LHFPL6: variants seen among roughly 807,000 people sequenced by gnomAD.
LHFPL6 encodes the protein LHFPL tetraspan subfamily member 6, also known as LHFPL tetraspan subfamily member 6 protein.
Under a neutral mutation model 20.6 loss-of-function variants are expected in LHFPL6, and 9 were observed. That is an observed-to-expected ratio of 0.44 (90% confidence interval 0.26 to 0.76). The LOEUF is 0.76. Among genes scored for constraint, LHFPL6 ranks in the 30% least tolerant of loss-of-function variants. The pLI, the probability that LHFPL6 is intolerant of heterozygous loss-of-function variation, is 0.20. For missense variants in LHFPL6, 218 were observed against 253.5 expected (o/e 0.86, Z 0.95); for synonymous variants, 105 against 98.7 (o/e 1.06, Z -0.38).
chr13:39,586,933 G>C (rs1872466187), intron 2 of LHFPL6, among the ~76,000 whole-genome samples: 1 of 152,128 alleles, frequency 6.6e-6, no homozygotes, highest in African/African-American at 2.4e-5. Context: ...GAGGTGGGTA[G>C]ATCGCCTGAG....
intron 2 of LHFPL6, among the ~76,000 whole-genome samples, chr13:39,399,189 G>A (rs1298254499): frequency 6.6e-6 from 1 of 152,178 alleles, no homozygotes; most frequent in Admixed American, 6.5e-5. Context: ...AGAGCATAGG[G>A]TCAATCTGGT....
In LHFPL6 at chr13:39,458,422, C is replaced by T. The variant is rs181221059; in HGVS notation, c.386-79896G>A. Among the ~76,000 whole-genome samples, 19 of 152,182 alleles carry T rather than the reference C, an allele frequency of 1.2e-4. No individual in the cohort carries two copies. In the East Asian group the frequency reaches 1.5e-3, roughly 12 times the overall value. Reference sequence around the variant, plus strand: ...GGTCAATGAAAGCAAGCAAGCCAGGCGCGGTGGCTCATGCCTGTAATCCCA... The same window carrying T: ...GGTCAATGAAAGCAAGCAAGCCAGGTGCGGTGGCTCATGCCTGTAATCCCA... On this transcript the variant is annotated intron_variant, in intron 2 of 3. Transcript: ENST00000379589.
intron 2 of LHFPL6, among the ~76,000 whole-genome samples, chr13:39,413,354 A>C (rs890695159): frequency 1.3e-5 from 2 of 152,070 alleles, no homozygotes; most frequent in African/African-American, 4.8e-5. Context: ...AAAATATCCT[A>C]ATCTTTAAAG....
intron 2 of LHFPL6, among the ~76,000 whole-genome samples, chr13:39,412,915 C>G (rs1871265407): frequency 8.4e-6 from 1 of 118,392 alleles, no homozygotes; most frequent in African/African-American, 3.3e-5. Context: ...GAGCAATACT[C>G]CCGTCTCAAA....
intron 2 of LHFPL6, among the ~76,000 whole-genome samples, chr13:39,423,298 T>C (rs1871545369): frequency 6.6e-6 from 1 of 152,224 alleles, no homozygotes; most frequent in African/African-American, 2.4e-5. Flanking sequence ...TTCAGGAGTA[T>C]TTGAAGCATA....
At chr13:39,394,340 A>T (rs1193281634) in intron 2 of LHFPL6, among the ~76,000 whole-genome samples, 1 of 152,186 alleles carries the variant, frequency 6.6e-6, no homozygotes, top group Non-Finnish European at 1.5e-5. Flanking sequence ...CTATTTATGC[A>T]TAGTCACATT....
At chr13:39,491,491 G>A (rs1226219811) in intron 2 of LHFPL6, among the ~76,000 whole-genome samples, 2 of 152,186 alleles carry the variant, frequency 1.3e-5, no homozygotes, top group African/African-American at 4.8e-5. Flanking sequence ...TGGAAGCCAA[G>A]AGATAAACCA....
chr13:39,490,306 A>G (rs1436607838), intron 2 of LHFPL6, among the ~76,000 whole-genome samples: 1 of 152,210 alleles, frequency 6.6e-6, no homozygotes, highest in Non-Finnish European at 1.5e-5. Flanking sequence ...GCCACAATAC[A>G]AGCGCAAACC....
intron 2 of LHFPL6, among the ~76,000 whole-genome samples, chr13:39,480,816 G>C (rs914058801): frequency 1.3e-5 from 2 of 152,076 alleles, no homozygotes; most frequent in African/African-American, 4.8e-5. Flanking sequence ...ACAAATCTTT[G>C]ATCTATAGAA....
At position 39,343,236 on chromosome 13, in the gene LHFPL6, G is replaced by C; in HGVS notation, c.*700C>G. 1 of 214,120 alleles carries C rather than the reference G, an allele frequency of 4.7e-6. No individual in the cohort carries two copies. The highest frequency in any genetic ancestry group is 9.5e-6 in the Non-Finnish European group (1 of 105,734). 13.3% of individuals were successfully genotyped at this position (214,120 alleles called of 1,614,324 possible). A position where few individuals can be genotyped will look rare whatever the true frequency, so the allele number is the denominator to read the frequency against. ...GAAAATATGTTGAGGAACTAAATTA[G>C]AGTTTATGCAGGATATACAAAATAC... is the stretch of plus-strand genomic sequence containing the variant. On this transcript the variant is annotated 3_prime_UTR_variant, in exon 4 of 4. Coordinates refer to ENST00000379589, the MANE Select transcript of LHFPL6 (RefSeq NM_005780.3).
chr13:39,500,610 T>A (rs1370822532), intron 2 of LHFPL6, among the ~76,000 whole-genome samples: 1 of 152,146 alleles, frequency 6.6e-6, no homozygotes, highest in Non-Finnish European at 1.5e-5. Flanking sequence ...CCTGTATTCC[T>A]TATTATGCAC....
intron 2 of LHFPL6, among the ~76,000 whole-genome samples, chr13:39,461,546 G>A (rs749493856): frequency 2.6e-5 from 4 of 152,056 alleles, no homozygotes; most frequent in Admixed American, 1.3e-4. Context: ...CAGACAAACC[G>A]GAGAACTTTA....
At chr13:39,514,084 G>A (rs975785211) in intron 2 of LHFPL6, among the ~76,000 whole-genome samples, 2 of 152,060 alleles carry the variant, frequency 1.3e-5, no homozygotes, top group Admixed American at 6.5e-5. Context: ...TGAGGATCAC[G>A]AGACCCATGT....
At chr13:39,486,673 C>T (rs1868736873) in intron 2 of LHFPL6, among the ~76,000 whole-genome samples, 2 of 152,142 alleles carry the variant, frequency 1.3e-5, no homozygotes, top group Admixed American at 1.3e-4. Flanking sequence ...CCTGTCATTA[C>T]AAAGGGAAGT....
chr13:39,487,231 C>T (rs1460107496), intron 2 of LHFPL6, among the ~76,000 whole-genome samples: 2 of 152,146 alleles, frequency 1.3e-5, no homozygotes, highest in Non-Finnish European at 2.9e-5. Flanking sequence ...ACATACCCCT[C>T]CAATATTATT....
chr13:39,367,538 C>T (rs1870044145), intron 3 of LHFPL6, among the ~76,000 whole-genome samples: 1 of 152,184 alleles, frequency 6.6e-6, no homozygotes, highest in African/African-American at 2.4e-5. Context: ...AGGGGTTCAA[C>T]TGTGTTCTAG....
At chr13:39,397,761 G>A (rs1457756120) in intron 2 of LHFPL6, among the ~76,000 whole-genome samples, 4 of 152,134 alleles carry the variant, frequency 2.6e-5, no homozygotes, top group Admixed American at 2.0e-4. Context: ...AACTTGTTCC[G>A]GGAGCCACGG....
At chr13:39,489,222 C>T (rs9603548) in intron 2 of LHFPL6, among the ~76,000 whole-genome samples, 7,095 of 152,140 alleles carry the variant, frequency 0.047, 404 homozygotes, top group East Asian at 0.12. Flanking sequence ...AAATACTGAC[C>T]GTACTGGGAG....
chr13:39,602,259 A>T (rs1303279771), intron 1 of LHFPL6, among the ~76,000 whole-genome samples: 1 of 152,192 alleles, frequency 6.6e-6, no homozygotes, highest in Non-Finnish European at 1.5e-5. Context: ...ACAGAAGCAC[A>T]GAGCCCATCC....
Sources: gnomAD v4.1 joint callset for allele counts (sites outside exome capture counted in the v4.1 genomes callset) on GRCh38, gnomAD v4.1.1 for gene constraint, MANE v1.5 for transcripts, NCBI Gene and HGNC (gene_info 2026-07-23, HGNC 2026-07-21) for gene names.